CREB1: variants seen among roughly 807,000 people sequenced by gnomAD.
CREB1 encodes cAMP responsive element binding protein 1, also known as cyclic AMP-responsive element-binding protein 1.
In CREB1, 2 loss-of-function variants were observed where a neutral mutation model predicts 42.0. The observed-to-expected ratio is 0.05, with a 90% CI of 0.02 to 0.15. The LOEUF (loss-of-function observed/expected upper bound fraction) is 0.15, where lower values mean the gene tolerates loss of function less well. CREB1 is among the 10% of genes least tolerant of loss of function. The pLI is 1.00. For missense variants in CREB1, 199 were observed against 388.9 expected, an observed-to-expected ratio of 0.51 and a Z score of 4.11; for synonymous variants, 123 against 139.9, an observed-to-expected ratio of 0.88 and a Z score of 0.85.
intron 1 of CREB1, among the ~76,000 whole-genome samples, chr2:207,539,628 T>C (rs186632095): frequency 6.6e-6 from 1 of 152,310 alleles, no homozygotes; most frequent in Admixed American, 6.5e-5. Context: ...TCAAGAATCT[T>C]ACGGTATAGT....
chr2:207,589,168 T>C (rs532504970), intron 7 of CREB1, among the ~76,000 whole-genome samples: 1 of 152,312 alleles, frequency 6.6e-6, no homozygotes, highest in South Asian at 2.1e-4. Context: ...TCCAGTTCTA[T>C]AAGATCAGAG....
At chr2:207,551,708 A>T (rs2081510477) in intron 1 of CREB1, among the ~76,000 whole-genome samples, 1 of 152,130 alleles carries the variant, frequency 6.6e-6, no homozygotes. Context: ...TGGCCATGTA[A>T]TTATGGTCTC....
At chr2:207,556,442 A>T (rs2081726542) in intron 2 of CREB1, among the ~76,000 whole-genome samples, 1 of 152,212 alleles carries the variant, frequency 6.6e-6, no homozygotes. Context: ...TCTCTTTCAG[A>T]TGAAGGTTCC....
chr2:207,537,866 A>G (rs933381901), intron 1 of CREB1, among the ~76,000 whole-genome samples: 1 of 152,148 alleles, frequency 6.6e-6, no homozygotes, highest in Non-Finnish European at 1.5e-5. Flanking sequence ...AGAATCTTTT[A>G]TCTGAAATTC....
intron 1 of CREB1, among the ~76,000 whole-genome samples, chr2:207,538,202 T>G (rs1050465037): frequency 6.6e-6 from 1 of 151,842 alleles, no homozygotes; most frequent in African/African-American, 2.4e-5. Context: ...TGTTTCCTCA[T>G]TTGTCTTCTA....
At chr2:207,554,503 G>C (rs1193353331) in intron 1 of CREB1, among the ~76,000 whole-genome samples, 3 of 152,198 alleles carry the variant, frequency 2.0e-5, no homozygotes, top group Non-Finnish European at 2.9e-5. Flanking sequence ...GTGAGGCACT[G>C]AATTATAATA....
intron 1 of CREB1, among the ~76,000 whole-genome samples, chr2:207,553,157 C>T (rs557826714): frequency 6.8e-6 from 1 of 147,012 alleles, no homozygotes; most frequent in East Asian, 2.0e-4. Context: ...CAACTTCTGT[C>T]TCCTGGGTTC....
intron 3 of CREB1, among the ~76,000 whole-genome samples, chr2:207,562,595 T>A (rs1473372270): frequency 6.6e-6 from 1 of 152,180 alleles, no homozygotes; most frequent in Non-Finnish European, 1.5e-5. Flanking sequence ...GTTGGACTTA[T>A]TGAACCCTGG....
intron 7 of CREB1, among the ~76,000 whole-genome samples, chr2:207,596,227 A>G (rs1438481238): frequency 6.6e-6 from 1 of 152,158 alleles, no homozygotes; most frequent in African/African-American, 2.4e-5. Context: ...AGAGACTGTT[A>G]GATTTTTTTA....
At chr2:207,541,336 G>T (rs567620719) in intron 1 of CREB1, among the ~76,000 whole-genome samples, 39 of 152,086 alleles carry the variant, frequency 2.6e-4, no homozygotes, top group Middle Eastern at 3.2e-3. Flanking sequence ...TTCTAGTCCT[G>T]CAAGCTCCGT....
At chr2:207,587,662 A>G (rs2084134898) in intron 7 of CREB1, among the ~76,000 whole-genome samples, 1 of 152,218 alleles carries the variant, frequency 6.6e-6, no homozygotes, top group African/African-American at 2.4e-5. Flanking sequence ...AACTTGGGGG[A>G]CATTATGGGT....
chr2:207,593,293 A>G (rs1256053749), intron 7 of CREB1, among the ~76,000 whole-genome samples: 2 of 152,216 alleles, frequency 1.3e-5, no homozygotes, highest in Non-Finnish European at 2.9e-5. Context: ...TGGGAGGCTG[A>G]GGCAGGAGGA....
chr2:207,560,279 A>G lies in CREB1; in HGVS notation c.168A>G (p.Val56=). 1 of 1,614,090 alleles carries G rather than the reference A, an allele frequency of 6.2e-7. No individual in the cohort carries two copies. Among genetic ancestry groups the G allele is most frequent in the Non-Finnish European group, 8.5e-7 (1 of 1,179,940 alleles). Residue 56 remains valine (V), a synonymous_variant, in exon 3 of 8, where the codon GTA becomes GTG. Coordinates refer to ENST00000353267, the MANE Select transcript of CREB1 (RefSeq NM_004379.5). ...ATSSAPTVTL[V]QLPNGQTVQV... The stretch of plus-strand genomic sequence containing the variant: ...CATCTGCTCCCACCGTAACTCTAGT[A>G]CAGCTGCCCAATGGGCAGACAGTTC...
chr2:207,595,429 T>C (rs1479653535), intron 7 of CREB1, among the ~76,000 whole-genome samples: 2 of 151,936 alleles, frequency 1.3e-5, no homozygotes, highest in Admixed American at 6.6e-5. Flanking sequence ...ATTTTTTTTT[T>C]CCCTTTCTTT....
intron 1 of CREB1, among the ~76,000 whole-genome samples, chr2:207,532,622 G>A (rs1311343733): frequency 2.0e-5 from 3 of 151,472 alleles, no homozygotes; most frequent in African/African-American, 7.3e-5. Flanking sequence ...GCAGTGAGCC[G>A]AGATCGCGCC....
At chr2:207,547,929 GA>G (rs1343767452) in intron 1 of CREB1, among the ~76,000 whole-genome samples, 1 of 151,488 alleles carries the variant, frequency 6.6e-6, no homozygotes, top group Admixed American at 6.6e-5. Context: ...TATATCAGAT[GA>G]TTTTTTTTTT....
chr2:207,555,664 A>G lies in CREB1; in HGVS notation c.29A>G (p.Gln10Arg). The change falls in exon 2 of 8, where the codon CAG (glutamine) becomes CGG (arginine). Residue 10 changes from glutamine (Q) to arginine (R), a missense_variant. Physicochemically the swap from Gln to Arg is conservative, Grantham distance 43 (BLOSUM62 1). This residue lies in a region of CREB1 where 53 missense variants were observed against 57.1 expected (regional missense o/e 0.93). Coordinates refer to ENST00000353267, the MANE Select transcript of CREB1 (RefSeq NM_004379.5). MTMESGAEN[Q>R]QSGDAAVTEA... ...ACCATGGAATCTGGAGCCGAGAACC[A>G]GCAGAGTGGAGATGCAGCTGTAACA... 1 of 1,613,372 alleles carries G rather than the reference A, an allele frequency of 6.2e-7. No homozygotes were observed. The highest frequency in any genetic ancestry group is 2.2e-5 in the East Asian group (1 of 44,848).
At chr2:207,556,813 T>G (rs1174835589) in intron 2 of CREB1, among the ~76,000 whole-genome samples, 2 of 152,132 alleles carry the variant, frequency 1.3e-5, no homozygotes, top group African/African-American at 4.8e-5. Context: ...TCTGGGCTCA[T>G]CTGTATATTT....
intron 4 of CREB1, among the ~76,000 whole-genome samples, chr2:207,568,580 A>G (rs2106531689): frequency 6.6e-6 from 1 of 152,276 alleles, no homozygotes; most frequent in East Asian, 1.9e-4. Context: ...TGGAAAGACA[A>G]AGGCATAGAA....
Sources: gnomAD v4.1 joint callset for allele counts (sites outside exome capture counted in the v4.1 genomes callset) on GRCh38, gnomAD v4.1.1 for gene constraint, gnomAD v4.1.1 regional missense constraint, MANE v1.5 for transcripts, NCBI Gene and HGNC (gene_info 2026-07-23, HGNC 2026-07-21) for gene names.